The following RNF13 variants were observed in gnomAD, a reference collection of about 807,000 sequenced individuals.
RNF13 encodes the protein E3 ubiquitin-protein ligase RNF13.
A neutral mutation model predicts 37.7 loss-of-function variants in RNF13; 19 were observed. The observed-to-expected ratio is 0.50, with a 90% CI of 0.35 to 0.74. The LOEUF (loss-of-function observed/expected upper bound fraction) is 0.74. Ranked by LOEUF, RNF13 falls within the 30% of genes least tolerant of loss-of-function variation. The pLI is 0.01. For synonymous variants in RNF13, 144 were observed against 157.8 expected, an observed-to-expected ratio of 0.91 and a Z score of 0.65; for missense variants, 375 against 453.0, an observed-to-expected ratio of 0.83 and a Z score of 1.56.
chr3:149,829,267 T>A (rs1262637572), intron 1 of RNF13, among the ~76,000 whole-genome samples: 1 of 152,080 alleles, frequency 6.6e-6, no homozygotes, highest in Non-Finnish European at 1.5e-5. Context: ...GCTCAGCTAA[T>A]TTTTGTATTT....
intron 1 of RNF13, among the ~76,000 whole-genome samples, chr3:149,826,096 A>T (rs1369033105): frequency 6.6e-6 from 1 of 152,200 alleles, no homozygotes; most frequent in East Asian, 1.9e-4. Flanking sequence ...GCTCCAGCAG[A>T]TAGATCTGAA....
intron 6 of RNF13, among the ~76,000 whole-genome samples, chr3:149,908,276 G>A (rs1381681825): frequency 3.3e-5 from 5 of 152,088 alleles, no homozygotes; most frequent in Non-Finnish European, 5.9e-5. Context: ...TTCACTGGAG[G>A]GATTGCTGGG....
rs1358105989 is a variant in RNF13, at chr3:149,960,871, G to C, written c.913G>C (p.Val305Leu). The C allele has an allele frequency of 6.2e-7, 1 of 1,614,172 alleles. No individual in the cohort carries two copies. Among genetic ancestry groups the C allele is most frequent in the Admixed American group, 1.7e-5 (1 of 60,026 alleles). ...DTDSSQEENE[V>L]TEHTPLLRPL... ...AGACAGTAGTCAAGAAGAAAATGAAGTGACAGAACATACCCCTTTACTGAG... is the reference window on the plus strand; with the variant it reads ...AGACAGTAGTCAAGAAGAAAATGAACTGACAGAACATACCCCTTTACTGAG... Residue 305 changes from valine (V) to leucine (L), a missense_variant, in exon 10 of 10, where the codon GTG becomes CTG. By Grantham distance (32) the Val-to-Leu change is conservative. Transcript: ENST00000392894.
intron 3 of RNF13, among the ~76,000 whole-genome samples, chr3:149,852,901 TACAC>T (rs1340771020): frequency 6.6e-6 from 1 of 151,788 alleles, no homozygotes; most frequent in African/African-American, 2.4e-5. Context: ...TATATATATG[TACAC>T]ACACATTTAC....
At position 149,948,801 on chromosome 3, in the gene RNF13, C is replaced by T. The variant is rs1264040004; in HGVS notation, c.701-11255C>T. On this transcript the variant is annotated intron_variant, in intron 8 of 9. Coordinates refer to ENST00000392894, the MANE Select transcript of RNF13 (RefSeq NM_183381.3). ...CAGCACTTTGGGAGGCCAAGGTGGG[C>T]GGATCACTTGAGTTCAGGAGTTTGA... Among the ~76,000 whole-genome samples, 5 of 152,064 alleles carry T rather than the reference C, an allele frequency of 3.3e-5. No homozygotes were observed. The East Asian group carries it at 5.8e-4, about 18-fold the overall frequency.
intron 1 of RNF13, among the ~76,000 whole-genome samples, chr3:149,837,852 C>T (rs1721784103): frequency 6.6e-6 from 1 of 152,058 alleles, no homozygotes; most frequent in South Asian, 2.1e-4. Flanking sequence ...TAATTCATTT[C>T]AGCATTAACT....
chr3:149,840,978 T>C (rs914225330), intron 1 of RNF13, among the ~76,000 whole-genome samples: 1 of 152,244 alleles, frequency 6.6e-6, no homozygotes, highest in African/African-American at 2.4e-5. Flanking sequence ...ACCACTTCTT[T>C]TAATAGTCCG....
At chr3:149,863,398 A>G (rs1273840188) in intron 3 of RNF13, among the ~76,000 whole-genome samples, 1 of 151,812 alleles carries the variant, frequency 6.6e-6, no homozygotes, top group East Asian at 1.9e-4. Context: ...TTTATTTTTT[A>G]AGATGGAGAC....
intron 8 of RNF13, among the ~76,000 whole-genome samples, chr3:149,945,048 A>C (rs1216935119): frequency 6.6e-6 from 1 of 152,166 alleles, no homozygotes; most frequent in Non-Finnish European, 1.5e-5. Context: ...TTTTCCCAGC[A>C]CCATTTATTA....
intron 3 of RNF13, among the ~76,000 whole-genome samples, chr3:149,871,734 AT>A (rs1712083837): frequency 6.6e-6 from 1 of 152,076 alleles, no homozygotes; most frequent in Non-Finnish European, 1.5e-5. Context: ...AATGTCAAAT[AT>A]TGTTCGAAAA....
intron 8 of RNF13, among the ~76,000 whole-genome samples, chr3:149,929,490 A>G (rs1165099673): frequency 6.6e-6 from 1 of 152,198 alleles, no homozygotes; most frequent in Admixed American, 6.5e-5. Flanking sequence ...TCATCTGTGA[A>G]TAGGTGTAGT....
intron 4 of RNF13, among the ~76,000 whole-genome samples, chr3:149,888,070 T>G (rs1313049015): frequency 6.6e-6 from 1 of 152,178 alleles, no homozygotes; most frequent in East Asian, 1.9e-4. Context: ...AAAATACACC[T>G]TGAGAGAGGT....
rs571457891 is a variant in RNF13, at chr3:149,889,351, C to A, written c.322-6122C>A. Among the ~76,000 whole-genome samples, 4 of 148,216 alleles carry A rather than the reference C, an allele frequency of 2.7e-5. No individual in the cohort carries two copies. In the East Asian group the frequency reaches 6.0e-4, roughly 22 times the overall value. ...TCGGAGTCTTGCTCTGTTGCCCAGG[C>A]TGGAGTGCAGTGGCGTGATCTCAGC... is the stretch of plus-strand genomic sequence containing the variant. On this transcript the variant is annotated intron_variant, in intron 4 of 9. Coordinates refer to ENST00000392894, the MANE Select transcript of RNF13 (RefSeq NM_183381.3).
chr3:149,958,087 CA>C (rs1722033088), intron 8 of RNF13, among the ~76,000 whole-genome samples: 1 of 152,174 alleles, frequency 6.6e-6, no homozygotes, highest in African/African-American at 2.4e-5. Context: ...TAAGAAAGCT[CA>C]GTGATTCCAA....
chr3:149,826,528 G>C (rs375466489), intron 1 of RNF13, among the ~76,000 whole-genome samples: 2 of 152,230 alleles, frequency 1.3e-5, no homozygotes, highest in African/African-American at 4.8e-5. Context: ...ATATTTTGCT[G>C]TGTAAAAGTA....
At chr3:149,852,691 T>A (rs1559907309) in intron 3 of RNF13, 95 bp downstream of exon 3, 1 of 564,142 alleles carries the variant, frequency 1.8e-6, no homozygotes, top group Non-Finnish European at 3.0e-6. Flanking sequence ...TTTCTTACTA[T>A]TTATTATTAT....
At chr3:149,823,085 T>C (rs1183455267) in intron 1 of RNF13, among the ~76,000 whole-genome samples, 1 of 152,266 alleles carries the variant, frequency 6.6e-6, no homozygotes, top group East Asian at 1.9e-4. Context: ...AGACTTTTAA[T>C]TGAATCCTAG....
At chr3:149,817,645 T>C (rs964617636) in intron 1 of RNF13, among the ~76,000 whole-genome samples, 1 of 152,192 alleles carries the variant, frequency 6.6e-6, no homozygotes, top group Non-Finnish European at 1.5e-5. Context: ...ATTTTACTTA[T>C]AGCCAGGATT....
At chr3:149,948,701 C>T (rs1179251163) in intron 8 of RNF13, among the ~76,000 whole-genome samples, 1 of 152,194 alleles carries the variant, frequency 6.6e-6, no homozygotes, top group African/African-American at 2.4e-5. Context: ...CATTGCTTAT[C>T]ATTTAATGTA....
Sources: gnomAD v4.1 joint callset for allele counts (sites outside exome capture counted in the v4.1 genomes callset) on GRCh38, gnomAD v4.1.1 for gene constraint, MANE v1.5 for transcripts, NCBI Gene and HGNC (gene_info 2026-07-23, HGNC 2026-07-21) for gene names.